GPC5: variants seen among roughly 807,000 people sequenced by gnomAD.
GPC5 encodes glypican 5.
In GPC5, 47 loss-of-function variants were observed where a neutral mutation model predicts 53.9. The observed-to-expected ratio is 0.87, with a 90% confidence interval of 0.69 to 1.11. GPC5 has a LOEUF of 1.11. Ranked by LOEUF, GPC5 falls within the 50% of genes most tolerant of loss-of-function variation. GPC5 has a pLI of 0.00. For missense variants in GPC5, 748 were observed against 713.1 expected, an observed-to-expected ratio of 1.05 and a Z score of -0.56; for synonymous variants, 286 against 263.3, an observed-to-expected ratio of 1.09 and a Z score of -0.84.
chr13:92,116,092 A>C (rs984339234), intron 6 of GPC5, among the ~76,000 whole-genome samples: 2 of 152,192 alleles, frequency 1.3e-5, no homozygotes, highest in East Asian at 1.9e-4. Context: ...CTCTACAAAA[A>C]AATCAGAAAA....
At chr13:92,728,327 CT>C (rs1402233063) in intron 7 of GPC5, among the ~76,000 whole-genome samples, 12 of 151,470 alleles carry the variant, frequency 7.9e-5, no homozygotes, top group Non-Finnish European at 1.8e-4. Flanking sequence ...TTGCTAATCT[CT>C]TTTATATTTC....
chr13:91,878,716 G>A (rs928264208), intron 5 of GPC5, among the ~76,000 whole-genome samples: 4 of 152,034 alleles, frequency 2.6e-5, no homozygotes. Context: ...ATGTGAAGAG[G>A]GACATGTTTG....
chr13:91,744,491 T>C (rs1234471070), intron 4 of GPC5, among the ~76,000 whole-genome samples: 3 of 152,132 alleles, frequency 2.0e-5, no homozygotes, highest in Non-Finnish European at 2.9e-5. Context: ...ATGAAAGATA[T>C]GGAGGATCTG....
At chr13:92,168,987 T>C (rs2042050680) in intron 7 of GPC5, among the ~76,000 whole-genome samples, 1 of 152,142 alleles carries the variant, frequency 6.6e-6, no homozygotes. Context: ...CACTATGGAA[T>C]ACTTCGCAGC....
chr13:92,002,767 A>T (rs1026062160), intron 6 of GPC5, among the ~76,000 whole-genome samples: 1 of 152,192 alleles, frequency 6.6e-6, no homozygotes, highest in African/African-American at 2.4e-5. Flanking sequence ...ACAATACTAC[A>T]GGCTGGTGTA....
chr13:92,113,137 T>C (rs1430242020), intron 6 of GPC5, among the ~76,000 whole-genome samples: 1 of 152,158 alleles, frequency 6.6e-6, no homozygotes, highest in African/African-American at 2.4e-5. Context: ...TTTTTGTGGA[T>C]ATCTTTACTC....
intron 2 of GPC5, among the ~76,000 whole-genome samples, chr13:91,524,211 C>A (rs1885978080): frequency 1.3e-5 from 2 of 152,022 alleles, no homozygotes; most frequent in South Asian, 2.1e-4. Context: ...TCTTATACTG[C>A]ATTAGTTGTA....
rs369878212 is a variant in GPC5, at chr13:91,614,077, A to T, written c.326-79110A>T. On this transcript the variant is annotated intron_variant, in intron 2 of 7. Coordinates refer to ENST00000377067, the MANE Select transcript of GPC5 (RefSeq NM_004466.6). ...ATAAGAGCTGAAAGAGATATGCTGG[A>T]TGTAGTCATATTGGTAAGAGCAGTT... is the stretch of plus-strand genomic sequence containing the variant. 1.1e-4 allele frequency among the ~76,000 whole-genome samples: 16 copies of T among 152,326 alleles called. No homozygotes were observed. In the East Asian group the frequency reaches 1.4e-3, roughly 13 times the overall value.
chr13:92,022,962 C>A (rs2040770946), intron 6 of GPC5, among the ~76,000 whole-genome samples: 1 of 151,916 alleles, frequency 6.6e-6, no homozygotes, highest in African/African-American at 2.4e-5. Context: ...CAGAGTATAA[C>A]ACTATATTTT....
At chr13:92,763,924 G>A (rs533643419) in intron 7 of GPC5, among the ~76,000 whole-genome samples, 44 of 152,184 alleles carry the variant, frequency 2.9e-4, no homozygotes, top group Middle Eastern at 6.8e-3. Context: ...AGTGCACTCC[G>A]TAGTAGTGAC....
intron 7 of GPC5, among the ~76,000 whole-genome samples, chr13:92,784,539 C>G (rs962225185): frequency 6.6e-6 from 1 of 151,796 alleles, no homozygotes; most frequent in African/African-American, 2.4e-5. Context: ...AAGGTCACTT[C>G]ATCTGTGACA....
chr13:92,318,451 A>C (rs1024083645), intron 7 of GPC5, among the ~76,000 whole-genome samples: 2 of 152,230 alleles, frequency 1.3e-5, no homozygotes, highest in Non-Finnish European at 2.9e-5. Flanking sequence ...GAGCATAGAC[A>C]AATGTAAAAT....
chr13:91,845,057 G>A (rs1309835688), intron 5 of GPC5, among the ~76,000 whole-genome samples: 1 of 152,162 alleles, frequency 6.6e-6, no homozygotes, highest in Non-Finnish European at 1.5e-5. Flanking sequence ...ATATGGAATT[G>A]TCATTTTAGG....
chr13:91,434,647 C>T (rs1879767796), intron 1 of GPC5, among the ~76,000 whole-genome samples: 1 of 151,506 alleles, frequency 6.6e-6, no homozygotes, highest in African/African-American at 2.4e-5. Flanking sequence ...ATGCCTCCAG[C>T]TTTTTTCTTT....
chr13:92,533,036 C>T (rs554140181), intron 7 of GPC5, among the ~76,000 whole-genome samples: 64 of 152,034 alleles, frequency 4.2e-4, no homozygotes, highest in African/African-American at 1.5e-3. Flanking sequence ...ATTATTATTG[C>T]TTTATGGAAA....
rs191694675 is a variant in GPC5 at position 92,526,925 on chromosome 13, C to T, written c.1562-339357C>T. On this transcript the variant is annotated intron_variant, in intron 7 of 7. Coordinates refer to ENST00000377067, the MANE Select transcript of GPC5 (RefSeq NM_004466.6). Reference sequence around the variant, plus strand: ...AATAACTGTGCTTGTGACGGAGATGCAAAAGTACAGATGAGGAACAAGTGT... The same window carrying T: ...AATAACTGTGCTTGTGACGGAGATGTAAAAGTACAGATGAGGAACAAGTGT... Among the ~76,000 whole-genome samples the T allele has an allele frequency of 9.0e-3, 1,365 of 150,938 alleles. 2 individuals are homozygous for T. Among genetic ancestry groups the T allele is most frequent in the Non-Finnish European group, 0.015 (1,016 of 67,772 alleles).
chr13:92,263,296 A>G (rs2042779142), intron 7 of GPC5, among the ~76,000 whole-genome samples: 1 of 152,174 alleles, frequency 6.6e-6, no homozygotes, highest in African/African-American at 2.4e-5. Flanking sequence ...ATTAAAATGG[A>G]AACACAGGCT....
intron 7 of GPC5, among the ~76,000 whole-genome samples, chr13:92,625,137 G>A (rs9523731): frequency 0.37 from 55,597 of 151,914 alleles, 12,552 homozygotes; most frequent in South Asian, 0.61. Flanking sequence ...TGTCCACTGC[G>A]AATTTACATT....
At chr13:91,844,849 C>T (rs919052100) in intron 5 of GPC5, among the ~76,000 whole-genome samples, 1 of 152,078 alleles carries the variant, frequency 6.6e-6, no homozygotes, top group Non-Finnish European at 1.5e-5. Context: ...TCTCTGCCTC[C>T]TGAGTAGCTG....
Sources: gnomAD v4.1 joint callset for allele counts (sites outside exome capture counted in the v4.1 genomes callset) on GRCh38, gnomAD v4.1.1 for gene constraint, MANE v1.5 for transcripts, NCBI Gene and HGNC (gene_info 2026-07-23, HGNC 2026-07-21) for gene names.